The following KLHL1 variants were observed in gnomAD, a reference collection of about 807,000 sequenced individuals.
KLHL1 encodes kelch-like protein 1.
A neutral mutation model predicts 77.7 loss-of-function variants in KLHL1; 47 were observed. The observed-to-expected ratio is 0.60, with a 90% CI of 0.48 to 0.77. KLHL1 has a LOEUF of 0.77. KLHL1 is among the 30% of genes least tolerant of loss of function. KLHL1 has a pLI of 0.00. For missense variants in KLHL1, 925 were observed against 910.8 expected, an observed-to-expected ratio of 1.02 and a Z score of -0.20; for synonymous variants, 360 against 325.2, an observed-to-expected ratio of 1.11 and a Z score of -1.15.
intron 6 of KLHL1, among the ~76,000 whole-genome samples, chr13:69,826,339 C>T (rs549145582): frequency 2.6e-5 from 4 of 152,282 alleles, no homozygotes; most frequent in African/African-American, 9.6e-5. Flanking sequence ...AATCCCGGCA[C>T]TTTGGGAGGC....
chr13:69,986,988 T>C (rs906889061), intron 1 of KLHL1, among the ~76,000 whole-genome samples: 3 of 147,122 alleles, frequency 2.0e-5, no homozygotes, highest in African/African-American at 8.1e-5. Flanking sequence ...AAATTAACTG[T>C]ACTTTTTTTA....
chr13:69,729,908 T>C (rs928646406), intron 8 of KLHL1, among the ~76,000 whole-genome samples: 4 of 152,158 alleles, frequency 2.6e-5, no homozygotes, highest in African/African-American at 9.7e-5. Flanking sequence ...CACTCTGATA[T>C]TTTTTACGAA....
chr13:69,835,087 T>C (rs955326522), intron 6 of KLHL1, among the ~76,000 whole-genome samples: 5 of 152,174 alleles, frequency 3.3e-5, no homozygotes, highest in Non-Finnish European at 7.4e-5. Context: ...CTTACAAATA[T>C]CCAAAATGTT....
In KLHL1 at chr13:69,790,490, A is replaced by ATAAC. The variant is rs572887330; in HGVS notation, c.1639+6244_1639+6247dup. Among the ~76,000 whole-genome samples, 1,149 of 152,316 alleles carry ATAAC rather than the reference A, an allele frequency of 7.5e-3. 14 individuals are homozygous for ATAAC. Among genetic ancestry groups the ATAAC allele is most frequent in the African/African-American group, 0.026 (1,072 of 41,574 alleles). ...GATACCTAAACCAGACAGAGACATG[A>ATAAC]TAACTAACTCTAGACCAGTATCTCT... On this transcript the variant is annotated intron_variant, in intron 7 of 10. Transcript: ENST00000377844.
chr13:69,865,194 C>T (rs1880324222), intron 5 of KLHL1, among the ~76,000 whole-genome samples: 1 of 152,128 alleles, frequency 6.6e-6, no homozygotes, highest in Admixed American at 6.6e-5. Context: ...GTCTCAGCCT[C>T]TCCAAGTGCA....
At chr13:70,004,275 G>C (rs1885358542) in intron 1 of KLHL1, among the ~76,000 whole-genome samples, 1 of 151,758 alleles carries the variant, frequency 6.6e-6, no homozygotes, top group Non-Finnish European at 1.5e-5. Context: ...TTAGAAAAAC[G>C]TAGGACCTCA....
At chr13:69,818,366 G>A (rs1169433068) in intron 6 of KLHL1, among the ~76,000 whole-genome samples, 3 of 151,608 alleles carry the variant, frequency 2.0e-5, no homozygotes, top group Non-Finnish European at 4.4e-5. Flanking sequence ...GATTACAGGT[G>A]GGTGCCACCA....
At chr13:70,050,557 T>A (rs777623601) in intron 1 of KLHL1, among the ~76,000 whole-genome samples, 15 of 152,056 alleles carry the variant, frequency 9.9e-5, no homozygotes, top group Non-Finnish European at 1.8e-4. Flanking sequence ...TTCCCTTTTA[T>A]GTGTCATAAT....
At chr13:69,975,568 G>T in intron 2 of KLHL1, 52 bp downstream of exon 2, 1 of 1,477,996 alleles carries the variant, frequency 6.8e-7, no homozygotes, top group Non-Finnish European at 9.2e-7. Flanking sequence ...ATGCCAGTCT[G>T]GCACTTTTAA....
chr13:70,065,131 T>TA (rs1886976623), intron 1 of KLHL1, among the ~76,000 whole-genome samples: 1 of 152,172 alleles, frequency 6.6e-6, no homozygotes, highest in African/African-American at 2.4e-5. Context: ...GGAACAGTGA[T>TA]ACTTGAATAT....
intron 6 of KLHL1, among the ~76,000 whole-genome samples, chr13:69,817,213 A>G (rs2138072255): frequency 6.6e-6 from 1 of 152,294 alleles, no homozygotes; most frequent in South Asian, 2.1e-4. Context: ...TCCATATAAT[A>G]TGTGAATTTT....
chr13:70,065,915 A>T (rs1479055761), intron 1 of KLHL1, among the ~76,000 whole-genome samples: 1 of 152,166 alleles, frequency 6.6e-6, no homozygotes, highest in Non-Finnish European at 1.5e-5. Flanking sequence ...AGACAAGGCT[A>T]AGCATATATC....
chr13:69,981,800 A>C (rs1358694132), intron 1 of KLHL1, among the ~76,000 whole-genome samples: 1 of 152,068 alleles, frequency 6.6e-6, no homozygotes, highest in African/African-American at 2.4e-5. Context: ...AATAAAAAAA[A>C]ATCTAAAAAA....
rs150213278 is a variant in KLHL1, at chr13:69,741,568, G to A, written c.1640-1012C>T. On this transcript the variant is annotated intron_variant, in intron 7 of 10. Transcript: ENST00000377844. ...TTTGTTTCTGTTGCTGGTTCCCCAC[G>A]CCCCAATTCCCATAGGGTGATCCAA... Among the ~76,000 whole-genome samples the A allele has an allele frequency of 1.8e-4, 27 of 152,042 alleles. No homozygotes were observed. In the East Asian group the frequency reaches 2.5e-3, roughly 14 times the overall value.
chr13:69,952,687 A>C (rs1218618825), intron 3 of KLHL1, among the ~76,000 whole-genome samples: 1 of 151,346 alleles, frequency 6.6e-6, no homozygotes, highest in Admixed American at 6.6e-5. Flanking sequence ...TCCTGGTTGG[A>C]TTGCACTTAG....
chr13:69,943,540 A>G (rs1883428203), intron 3 of KLHL1, among the ~76,000 whole-genome samples: 1 of 152,022 alleles, frequency 6.6e-6, no homozygotes, highest in Non-Finnish European at 1.5e-5. Flanking sequence ...TGATTACATG[A>G]GTACTATTGA....
intron 1 of KLHL1, among the ~76,000 whole-genome samples, chr13:70,097,884 TCTG>T (rs771530455): frequency 6.6e-4 from 78 of 117,878 alleles, no homozygotes; most frequent in South Asian, 1.7e-3. Flanking sequence ...TGATTTCCTT[TCTG>T]TTTTTTTTTT....
intron 6 of KLHL1, among the ~76,000 whole-genome samples, chr13:69,818,144 G>A (rs781387806): frequency 2.2e-4 from 34 of 151,518 alleles, no homozygotes; most frequent in Non-Finnish European, 4.6e-4. Flanking sequence ...CATGGCTTCT[G>A]GGGAGCTAGA....
rs373441004 is a variant in KLHL1 at position 70,014,614 on chromosome 13, C to T, written c.498-38812G>A. On this transcript the variant is annotated intron_variant, in intron 1 of 10. Coordinates refer to ENST00000377844, the MANE Select transcript of KLHL1 (RefSeq NM_020866.3). The stretch of plus-strand genomic sequence containing the variant: ...CATACTTTTCATATTATCATCCATG[C>T]ATGTATAATGAAAATCTCCAAGATT... Among the ~76,000 whole-genome samples, 3 of 152,028 alleles carry T rather than the reference C, an allele frequency of 2.0e-5. No individual in the cohort carries two copies. The South Asian group carries it at 6.2e-4, about 32-fold the overall frequency.
Sources: allele counts gnomAD v4.1 joint callset (sites outside exome capture counted in the v4.1 genomes callset), GRCh38; gene constraint gnomAD v4.1.1; transcripts MANE v1.5; gene names NCBI Gene and HGNC (gene_info 2026-07-23, HGNC 2026-07-21).